Variants in MIA3 observed in about 807,000 individuals in gnomAD.
The protein encoded by MIA3 is MIA SH3 domain ER export factor 3, also known as transport and Golgi organization protein 1 homolog.
A neutral mutation model predicts 192.4 loss-of-function variants in MIA3; 90 were observed. The ratio of observed to expected loss-of-function variants is 0.47; its 90% confidence interval spans 0.39 to 0.56. The LOEUF (loss-of-function observed/expected upper bound fraction) is 0.56, where lower values mean the gene tolerates loss of function less well. MIA3 is among the 20% of genes least tolerant of loss of function. The probability of loss-of-function intolerance (pLI) is 0.00; values close to 1 mark genes in which losing one functional copy is unlikely to be tolerated. For missense variants in MIA3, 2,123 were observed against 2,269.4 expected (o/e 0.94, Z 1.31); for synonymous variants, 740 against 792.8 (o/e 0.93, Z 1.12).
At position 222,629,358 on chromosome 1, in the gene MIA3, G is replaced by A. The variant is rs1386768871; in HGVS notation, c.2138G>A (p.Gly713Glu). 1.2e-6 allele frequency: 2 copies of A among 1,614,152 alleles called. No homozygotes were observed. Among genetic ancestry groups the A allele is most frequent in the Non-Finnish European group, 8.5e-7 (1 of 1,180,024 alleles). ...GQTDQTDSTG[G>E]PAFLSKVEED... Reference sequence around the variant, plus strand: ...ACAGACCAAACTGACAGCACAGGAGGACCAGCTTTCCTTTCTAAAGTAGAA... The same window carrying A: ...ACAGACCAAACTGACAGCACAGGAGAACCAGCTTTCCTTTCTAAAGTAGAA... The change falls in exon 4 of 28, where the codon GGA (glycine) becomes GAA (glutamate). Residue 713 changes from glycine to glutamate, a missense_variant. By Grantham distance (98) the Gly-to-Glu change is moderately conservative (BLOSUM62 -2). Transcript: ENST00000344922.
chr1:222,625,381 T>C (rs925318601), intron 3 of MIA3, among the ~76,000 whole-genome samples: 2 of 152,214 alleles, frequency 1.3e-5, no homozygotes, highest in African/African-American at 2.4e-5. Flanking sequence ...AGTTTTATAT[T>C]TACTTATTAA....
At chr1:222,641,631 C>A in intron 6 of MIA3, 1 of 531,620 alleles carries the variant, frequency 1.9e-6, no homozygotes. Context: ...GCACATGTTC[C>A]ACATCATGCA....
At position 222,621,187 on chromosome 1, in the gene MIA3, A is replaced by G. The variant is rs1455012699; in HGVS notation, c.162A>G (p.Glu54=). 3 of 1,613,500 alleles carry G rather than the reference A, an allele frequency of 1.9e-6. No homozygotes were observed. Among genetic ancestry groups the G allele is most frequent in the Non-Finnish European group, 2.5e-6 (3 of 1,179,792 alleles). ...SMLMYRGEAL[E]DFTGPDCRFV... ...TAATGTACCGCGGTGAGGCTCTTGAAGATTTCACAGGCCCGGATTGTCGTT... is the reference window on the plus strand; with the variant it reads ...TAATGTACCGCGGTGAGGCTCTTGAGGATTTCACAGGCCCGGATTGTCGTT... Residue 54 remains glutamate (E), a synonymous_variant, in exon 2 of 28, where the codon GAA becomes GAG. Transcript: ENST00000344922.
At chr1:222,663,847 A>G in intron 26 of MIA3, 151 bp from the exon 27 acceptor site, 1 of 697,914 alleles carries the variant, frequency 1.4e-6, no homozygotes, top group Non-Finnish European at 2.5e-6. Flanking sequence ...GTCAGTGGGA[A>G]CAAATGAGAG....
In MIA3 at chr1:222,648,857, CTTTAGGCTTTTTTG is replaced by C; in HGVS notation, c.3631+10_3631+23del. The stretch of plus-strand genomic sequence containing the variant: ...AAGGATAGAGTATATCAAGGTAAAT[CTTTAGGCTTTTTTG>C]TTATTTGTACTAGTCCCTCTGTATT... On this transcript the variant is annotated splice_region_variant and intron_variant, in intron 8 of 27. Coordinates refer to ENST00000344922, the MANE Select transcript of MIA3 (RefSeq NM_198551.4). 7.0e-7 allele frequency: 1 copy of C among 1,438,626 alleles called. No homozygotes were observed. Among genetic ancestry groups the C allele is most frequent in the South Asian group, 1.2e-5 (1 of 83,548 alleles). 89.1% of individuals were successfully genotyped at this position (1,438,626 alleles called of 1,614,324 possible).
chr1:222,628,912 G>C lies in MIA3; in HGVS notation c.1692G>C (p.Gly564=), dbSNP rs751549596. Residue 564 remains glycine, a synonymous_variant, in exon 4 of 28, where the codon GGG becomes GGC. Coordinates refer to ENST00000344922, the MANE Select transcript of MIA3 (RefSeq NM_198551.4). The part of the protein sequence containing the change: ...SESESAQKAA[G]NQMNDRKIQQ... Reference sequence around the variant, plus strand: ...GTGAATCTGCACAGAAAGCTGCAGGGAATCAAATGAATGACAGAAAGATTC... The same window carrying C: ...GTGAATCTGCACAGAAAGCTGCAGGCAATCAAATGAATGACAGAAAGATTC... The C allele has an allele frequency of 1.2e-6, 2 of 1,614,160 alleles. No individual in the cohort carries two copies. The highest frequency in any genetic ancestry group is 3.3e-5 in the Admixed American group (2 of 60,024).
At chr1:222,661,991 T>G (rs1427645722) in intron 24 of MIA3, 65 bp from the exon 25 acceptor site, 7 of 1,326,442 alleles carry the variant, frequency 5.3e-6, no homozygotes, top group Non-Finnish European at 7.5e-6. Flanking sequence ...TGAACCCTGA[T>G]CTGTCCACAA....
At chr1:222,619,444 T>G (rs1467491426) in intron 1 of MIA3, among the ~76,000 whole-genome samples, 1 of 152,238 alleles carries the variant, frequency 6.6e-6, no homozygotes, top group Non-Finnish European at 1.5e-5. Context: ...TAATATGAAC[T>G]GTTTGTATCT....
intron 18 of MIA3, among the ~76,000 whole-genome samples, chr1:222,657,138 A>C (rs569107578): frequency 5.3e-5 from 8 of 152,344 alleles, no homozygotes; most frequent in African/African-American, 1.7e-4. Flanking sequence ...ATCATCCTAC[A>C]TAAAAGATAT....
rs548465946 is a variant in MIA3 at position 222,641,732 on chromosome 1, C to T, written c.3478-3822C>T. ...CTCAGCATGTTCAGACAGTCCTTGG[C>T]TTCTACATACTTGGTCTGTACCACT... On this transcript the variant is annotated intron_variant, in intron 6 of 27. Transcript: ENST00000344922. 1.8e-4 allele frequency: 99 copies of T among 558,538 alleles called. 2 individuals are homozygous for T. The highest frequency in any genetic ancestry group is 1.3e-3 in the South Asian group (98 of 72,630). The allele number at this position is 558,538 out of a possible 1,614,324, so 34.6% of individuals were successfully genotyped here. A position where few individuals can be genotyped will look rare whatever the true frequency, so the allele number is the denominator to read the frequency against.
chr1:222,662,627 C>T lies in MIA3; in HGVS notation c.5262+295C>T, dbSNP rs141462166. On this transcript the variant is annotated intron_variant, in intron 26 of 27. Transcript: ENST00000344922. ...ACTTGGGAGTGTTGCTGAAATCTGACGGATTCATTGGCCTTTTCTCCTCTC... is the reference window on the plus strand; with the variant it reads ...ACTTGGGAGTGTTGCTGAAATCTGATGGATTCATTGGCCTTTTCTCCTCTC... 1.6e-4 allele frequency: 84 copies of T among 531,284 alleles called. No individual in the cohort carries two copies. The Middle Eastern group carries it at 2.1e-3, about 13-fold the overall frequency. 32.9% of individuals were successfully genotyped at this position (531,284 alleles called of 1,614,324 possible). A position where few individuals can be genotyped will look rare whatever the true frequency, so the allele number is the denominator to read the frequency against.
At chr1:222,640,594 G>C (rs1317675274) in intron 6 of MIA3, among the ~76,000 whole-genome samples, 1 of 152,066 alleles carries the variant, frequency 6.6e-6, no homozygotes, top group Admixed American at 6.5e-5. Context: ...CTCACATGAT[G>C]TACATAAATT....
chr1:222,664,682 G>C (rs527415125), intron 27 of MIA3, among the ~76,000 whole-genome samples: 157 of 152,270 alleles, frequency 1.0e-3, no homozygotes, highest in Non-Finnish European at 1.5e-3. Context: ...GATGGAGCTG[G>C]AAAGCCTTTT....
chr1:222,648,860 T>C lies in MIA3; in HGVS notation c.3631+10T>C. The C allele has an allele frequency of 3.5e-6, 5 of 1,443,770 alleles. No individual in the cohort carries two copies. The highest frequency in any genetic ancestry group is 2.3e-5 in the East Asian group (1 of 43,504). The allele number at this position is 1,443,770 out of a possible 1,614,324, so 89.4% of individuals were successfully genotyped here. On this transcript the variant is annotated intron_variant, in intron 8 of 27. Transcript: ENST00000344922. ...GATAGAGTATATCAAGGTAAATCTT[T>C]AGGCTTTTTTGTTATTTGTACTAGT...
At chr1:222,652,384 T>C (rs1170749220) in intron 13 of MIA3, 52 bp downstream of exon 13, 5 of 1,117,948 alleles carry the variant, frequency 4.5e-6, no homozygotes, top group Non-Finnish European at 5.5e-6. Context: ...CTCAGTATCA[T>C]ACCTCATGAA....
At chr1:222,637,177 T>A (rs1366756584) in intron 6 of MIA3, among the ~76,000 whole-genome samples, 1 of 152,234 alleles carries the variant, frequency 6.6e-6, no homozygotes, top group East Asian at 1.9e-4. Context: ...AACAGTTTTG[T>A]TTGGCTTCTA....
At chr1:222,660,416 A>G in intron 24 of MIA3, 102 bp downstream of exon 24, 1 of 1,188,800 alleles carries the variant, frequency 8.4e-7, no homozygotes. Context: ...TCTGTCCAGT[A>G]TAGAAAAGAA....
intron 8 of MIA3, chr1:222,649,906 G>A (rs1663334776): frequency 4.5e-6 from 1 of 221,466 alleles, no homozygotes; most frequent in South Asian, 6.3e-5. Context: ...GGCAAAGCGA[G>A]AGCAGGCCAT....
chr1:222,656,307 CT>C (rs902837627), intron 18 of MIA3, among the ~76,000 whole-genome samples: 3 of 152,004 alleles, frequency 2.0e-5, no homozygotes, highest in Non-Finnish European at 4.4e-5. Flanking sequence ...AGTGAGTTTA[CT>C]TTTGTATGAA....
Sources: gnomAD v4.1 joint callset for allele counts (sites outside exome capture counted in the v4.1 genomes callset) on GRCh38, gnomAD v4.1.1 for gene constraint, MANE v1.5 for transcripts, NCBI Gene and HGNC (gene_info 2026-07-23, HGNC 2026-07-21) for gene names.